The following CNTNAP2 variants were observed in gnomAD, a reference collection of about 807,000 sequenced individuals.
CNTNAP2 encodes contactin associated protein 2.
In CNTNAP2, 98 loss-of-function variants were observed where a neutral mutation model predicts 155.2. That is an observed-to-expected ratio of 0.63 (90% CI 0.54 to 0.75). The LOEUF is 0.75. Among genes scored for constraint, CNTNAP2 ranks in the 30% least tolerant of loss-of-function variants. CNTNAP2 has a pLI of 0.00. For synonymous variants in CNTNAP2, 651 were observed against 631.2 expected, an observed-to-expected ratio of 1.03 and a Z score of -0.47; for missense variants, 1,727 against 1,688.1, an observed-to-expected ratio of 1.02 and a Z score of -0.40.
intron 9 of CNTNAP2, among the ~76,000 whole-genome samples, chr7:147,326,433 A>G (rs1424840037): frequency 6.6e-6 from 1 of 152,174 alleles, no homozygotes; most frequent in African/African-American, 2.4e-5. Context: ...TTGTTTATTC[A>G]TTCATGCATC....
At chr7:147,357,431 A>T (rs867035111) in intron 9 of CNTNAP2, among the ~76,000 whole-genome samples, 3 of 152,032 alleles carry the variant, frequency 2.0e-5, no homozygotes, top group African/African-American at 7.2e-5. Context: ...GCTCCTCTTC[A>T]TGGGAAGTCT....
chr7:147,467,980 A>G (rs1447220667), intron 10 of CNTNAP2, among the ~76,000 whole-genome samples: 1 of 152,132 alleles, frequency 6.6e-6, no homozygotes, highest in Non-Finnish European at 1.5e-5. Flanking sequence ...ACAGTATGCT[A>G]TGATCACAGC....
At chr7:147,499,285 T>C (rs1798767174) in intron 11 of CNTNAP2, among the ~76,000 whole-genome samples, 1 of 152,058 alleles carries the variant, frequency 6.6e-6, no homozygotes, top group Non-Finnish European at 1.5e-5. Context: ...TCCCAGCACT[T>C]TGGGAGGCCG....
intron 2 of CNTNAP2, among the ~76,000 whole-genome samples, chr7:146,798,750 A>G (rs1802816036): frequency 6.6e-6 from 1 of 151,978 alleles, no homozygotes; most frequent in South Asian, 2.1e-4. Flanking sequence ...TTATGGGCAG[A>G]TTTTTTTTGG....
At chr7:147,582,979 T>C (rs12056020) in intron 12 of CNTNAP2, among the ~76,000 whole-genome samples, 82,137 of 151,846 alleles carry the variant, frequency 0.54, 22,697 homozygotes, top group East Asian at 0.73. Flanking sequence ...AACATGTATA[T>C]GTGTATTCCT....
At chr7:147,085,110 CT>C (rs947263868) in intron 4 of CNTNAP2, among the ~76,000 whole-genome samples, 13 of 152,154 alleles carry the variant, frequency 8.5e-5, no homozygotes, top group Admixed American at 7.9e-4. Context: ...AAGCTGATGT[CT>C]TTTGGTTTGA....
At chr7:146,383,747 T>A (rs1795422528) in intron 1 of CNTNAP2, among the ~76,000 whole-genome samples, 2 of 152,166 alleles carry the variant, frequency 1.3e-5, no homozygotes. Context: ...ACCATAGACA[T>A]TTTGAGTAAA....
At chr7:147,085,916 C>A (rs1435930987) in intron 4 of CNTNAP2, 1 of 152,164 alleles carries the variant, frequency 6.6e-6, no homozygotes. Flanking sequence ...GTAGCTAAGA[C>A]ACGCACACGA....
chr7:147,231,722 T>C (rs1468046436), intron 8 of CNTNAP2, among the ~76,000 whole-genome samples: 2 of 152,236 alleles, frequency 1.3e-5, no homozygotes, highest in Middle Eastern at 3.2e-3. Context: ...TGGCCATTTA[T>C]ATGTCTTTGC....
At chr7:146,601,491 T>C (rs185362929) in intron 1 of CNTNAP2, among the ~76,000 whole-genome samples, 3 of 152,260 alleles carry the variant, frequency 2.0e-5, no homozygotes, top group East Asian at 3.9e-4. Flanking sequence ...AGTTATCCTA[T>C]GGTTGCAGAT....
chr7:147,557,888 CA>C (rs1799981506), intron 11 of CNTNAP2, among the ~76,000 whole-genome samples: 1 of 152,140 alleles, frequency 6.6e-6, no homozygotes, highest in Admixed American at 6.6e-5. Context: ...CTCAATTTTA[CA>C]GTTGAAAAAA....
intron 3 of CNTNAP2, among the ~76,000 whole-genome samples, chr7:147,014,977 AT>A (rs2129244726): frequency 6.6e-6 from 1 of 152,294 alleles, no homozygotes; most frequent in Admixed American, 6.5e-5. Flanking sequence ...TTACTACAAA[AT>A]GTCATATAAA....
chr7:147,667,368 T>A (rs1408942608), intron 13 of CNTNAP2, among the ~76,000 whole-genome samples: 1 of 152,176 alleles, frequency 6.6e-6, no homozygotes, highest in African/African-American at 2.4e-5. Context: ...ATGCTGGATG[T>A]CAGGTTTTTA....
intron 3 of CNTNAP2, among the ~76,000 whole-genome samples, chr7:146,971,447 G>A (rs1797797097): frequency 6.6e-6 from 1 of 152,166 alleles, no homozygotes; most frequent in East Asian, 1.9e-4. Flanking sequence ...TGAGAAAAAT[G>A]CAGAGGAAAT....
At chr7:147,888,391 G>A (rs1799633502) in intron 13 of CNTNAP2, among the ~76,000 whole-genome samples, 1 of 152,056 alleles carries the variant, frequency 6.6e-6, no homozygotes, top group Non-Finnish European at 1.5e-5. Flanking sequence ...AGATTCTGAA[G>A]AAATTTCCCA....
chr7:147,604,234 A>T lies in CNTNAP2; in HGVS notation c.1898-34872A>T, dbSNP rs560089176. On this transcript the variant is annotated intron_variant, in intron 12 of 23. Coordinates refer to ENST00000361727, the MANE Select transcript of CNTNAP2 (RefSeq NM_014141.6). ...CAAAATTGACAAATGGGATCTAATT[A>T]AACTAAAGAGCTTCTGCACAGCAAA... is the stretch of plus-strand genomic sequence containing the variant. Among the ~76,000 whole-genome samples the T allele has an allele frequency of 2.5e-3, 379 of 151,792 alleles. 2 individuals are homozygous for T. Among genetic ancestry groups the T allele is most frequent in the African/African-American group, 8.6e-3 (355 of 41,424 alleles).
chr7:147,990,346 C>T (rs908889979), intron 15 of CNTNAP2, among the ~76,000 whole-genome samples: 2 of 152,108 alleles, frequency 1.3e-5, no homozygotes, highest in African/African-American at 4.8e-5. Flanking sequence ...CTAAGAGGGG[C>T]TTCTGGCTGA....
At chr7:147,234,102 C>T (rs1487713461) in intron 8 of CNTNAP2, among the ~76,000 whole-genome samples, 2 of 150,940 alleles carry the variant, frequency 1.3e-5, no homozygotes, top group Non-Finnish European at 2.9e-5. Context: ...ATTTTATAAC[C>T]TCAAACTCAC....
chr7:148,379,708 T>C (rs1290446443), intron 21 of CNTNAP2, among the ~76,000 whole-genome samples: 1 of 152,134 alleles, frequency 6.6e-6, no homozygotes, highest in Non-Finnish European at 1.5e-5. Context: ...TAAGACCCTG[T>C]CTCATAAATA....
Sources: gnomAD v4.1 joint callset for allele counts (sites outside exome capture counted in the v4.1 genomes callset) on GRCh38, gnomAD v4.1.1 for gene constraint, MANE v1.5 for transcripts, NCBI Gene and HGNC (gene_info 2026-07-23, HGNC 2026-07-21) for gene names.